CSMD1: variants seen among roughly 807,000 people sequenced by gnomAD.
The protein encoded by CSMD1 is CUB and sushi domain-containing protein 1.
Under a neutral mutation model 417.5 loss-of-function variants are expected in CSMD1, and 213 were observed. The observed-to-expected ratio is 0.51, with a 90% CI of 0.46 to 0.57. CSMD1 has a LOEUF of 0.57. Ranked by LOEUF, CSMD1 falls within the 20% of genes least tolerant of loss-of-function variation. The pLI is 0.00. For synonymous variants in CSMD1, 2,862 were observed against 1,736.8 expected, an observed-to-expected ratio of 1.65 and a Z score of -16.11; for missense variants, 6,923 against 4,529.7, an observed-to-expected ratio of 1.53 and a Z score of -15.17.
At chr8:4,899,266 C>G (rs1470505313) in intron 1 of CSMD1, among the ~76,000 whole-genome samples, 1 of 152,102 alleles carries the variant, frequency 6.6e-6, no homozygotes, top group Admixed American at 6.6e-5. Context: ...GTATTGCCAT[C>G]CATGCATTAT....
rs117248965 is a variant in CSMD1 at position 4,682,023 on chromosome 8, G to T, written c.86-44465C>A. Among the ~76,000 whole-genome samples the T allele has an allele frequency of 8.2e-4, 125 of 152,172 alleles. 2 individuals carry two copies. The East Asian group carries it at 0.023, about 28-fold the overall frequency. ...TTATGTCATTTTATTGGATAAATTT[G>T]TTGTTGTTATTTTGAGACAGGGTCT... On this transcript the variant is annotated intron_variant, in intron 1 of 69. Transcript: ENST00000635120.
intron 5 of CSMD1, among the ~76,000 whole-genome samples, chr8:3,940,514 T>A (rs1409097245): frequency 8.6e-5 from 13 of 151,140 alleles, no homozygotes; most frequent in Admixed American, 3.3e-4. Flanking sequence ...TGTGTGTGTG[T>A]GTGTGTGTGT....
chr8:3,927,172 A>G (rs907481043), intron 5 of CSMD1, among the ~76,000 whole-genome samples: 1 of 152,010 alleles, frequency 6.6e-6, no homozygotes, highest in African/African-American at 2.4e-5. Context: ...TTTTGAAGCT[A>G]TAATTTATTA....
chr8:2,950,027 T>C (rs1802516227), intron 67 of CSMD1, among the ~76,000 whole-genome samples: 1 of 152,190 alleles, frequency 6.6e-6, no homozygotes, highest in Admixed American at 6.6e-5. Context: ...GGCCAGTTCA[T>C]TGCTTACTTC....
chr8:3,600,020 C>T (rs1382533387), intron 8 of CSMD1, among the ~76,000 whole-genome samples: 2 of 152,296 alleles, frequency 1.3e-5, no homozygotes, highest in Non-Finnish European at 2.9e-5. Flanking sequence ...ATGACCACCA[C>T]AAGAGGCACC....
At chr8:4,972,545 A>G (rs1328724609) in intron 1 of CSMD1, among the ~76,000 whole-genome samples, 1 of 152,170 alleles carries the variant, frequency 6.6e-6, no homozygotes, top group Non-Finnish European at 1.5e-5. Flanking sequence ...GAAGCCTCCC[A>G]GCCATGGGGA....
chr8:3,622,618 C>A (rs114277206), intron 7 of CSMD1, among the ~76,000 whole-genome samples: 160 of 152,142 alleles, frequency 1.1e-3, no homozygotes, highest in Non-Finnish European at 1.7e-3. Flanking sequence ...TTTAGACAAG[C>A]CTGAATGGAT....
At chr8:4,149,078 C>A (rs1465951341) in intron 3 of CSMD1, among the ~76,000 whole-genome samples, 1 of 151,952 alleles carries the variant, frequency 6.6e-6, no homozygotes, top group African/African-American at 2.4e-5. Context: ...ATTCTCCTGC[C>A]TCAGCCTCCC....
rs886364682 is a variant in CSMD1 at position 2,936,787 on chromosome 8, C to T, written c.*1798G>A. 1.1e-4 allele frequency: 17 copies of T among 152,192 alleles called. No individual in the cohort carries two copies. The highest frequency in any genetic ancestry group is 4.1e-4 in the African/African-American group (17 of 41,444). 9.4% of individuals were successfully genotyped at this position (152,192 alleles called of 1,614,324 possible). The stretch of plus-strand genomic sequence containing the variant: ...AACGCGTGACTCTCCAAAGAATGCC[C>T]CATTTTCCTGACTGCTTTTCCTTTT... On this transcript the variant is annotated 3_prime_UTR_variant, in exon 70 of 70. Coordinates refer to ENST00000635120, the MANE Select transcript of CSMD1 (RefSeq NM_033225.6).
At chr8:3,377,068 G>A (rs886409357) in intron 18 of CSMD1, among the ~76,000 whole-genome samples, 1 of 152,188 alleles carries the variant, frequency 6.6e-6, no homozygotes, top group African/African-American at 2.4e-5. Flanking sequence ...TAGTGTAGTG[G>A]TGTGATCTTG....
Position 3,091,628 on chromosome 8 carries a change from T to G in CSMD1, c.7173A>C (p.Leu2391Phe), listed in dbSNP as rs766206742. 3 of 1,611,590 alleles carry G rather than the reference T, an allele frequency of 1.9e-6. No individual in the cohort carries two copies. In the South Asian group the frequency reaches 3.3e-5, roughly 18 times the overall value. ...SSGQSPLLVV[L>F]SGNHTEQSNF... ...TTGATTGTTCAGTATGATTCCCACT[T>G]AAGACTACTAGCAGAGGACTTTGCC... is the stretch of plus-strand genomic sequence containing the variant. The change falls in exon 48 of 70, where the codon TTA becomes TTC. Residue 2391 changes from leucine (L) to phenylalanine (F), a missense_variant. Coordinates refer to ENST00000635120, the MANE Select transcript of CSMD1 (RefSeq NM_033225.6).
chr8:4,479,163 A>T (rs1229481769), intron 2 of CSMD1, among the ~76,000 whole-genome samples: 1 of 152,240 alleles, frequency 6.6e-6, no homozygotes, highest in Non-Finnish European at 1.5e-5. Flanking sequence ...AAATAAATAC[A>T]TAAATAATAA....
intron 3 of CSMD1, among the ~76,000 whole-genome samples, chr8:4,325,437 A>G (rs991526215): frequency 6.6e-6 from 1 of 152,168 alleles, no homozygotes; most frequent in Non-Finnish European, 1.5e-5. Flanking sequence ...CAGGCAATAC[A>G]TGGTATTTAC....
intron 26 of CSMD1, among the ~76,000 whole-genome samples, chr8:3,241,340 G>A (rs1015904909): frequency 6.6e-6 from 1 of 151,862 alleles, no homozygotes; most frequent in African/African-American, 2.4e-5. Context: ...ACAGGTCCTT[G>A]AAAAGAAGGT....
chr8:4,201,110 G>T (rs958724399), intron 3 of CSMD1, among the ~76,000 whole-genome samples: 1 of 152,156 alleles, frequency 6.6e-6, no homozygotes, highest in South Asian at 2.1e-4. Context: ...CAGAGAATCA[G>T]TGACTTTGCA....
At position 4,185,258 on chromosome 8, in the gene CSMD1, T is replaced by A. The variant is rs1333820597; in HGVS notation, c.416-153159A>T. 2.6e-5 allele frequency among the ~76,000 whole-genome samples: 4 copies of A among 152,096 alleles called. No homozygotes were observed. In the East Asian group the frequency reaches 7.7e-4, roughly 29 times the overall value. ...TGCCTTTGAATCCTGGCCCTACCCC[T>A]TGCAATTCGTCATGATCTTGGGCAA... On this transcript the variant is annotated intron_variant, in intron 3 of 69. Coordinates refer to ENST00000635120, the MANE Select transcript of CSMD1 (RefSeq NM_033225.6).
intron 3 of CSMD1, among the ~76,000 whole-genome samples, chr8:4,214,134 G>C (rs1274671496): frequency 6.6e-6 from 1 of 151,788 alleles, no homozygotes; most frequent in Non-Finnish European, 1.5e-5. Context: ...GTTTTGTTTT[G>C]GCTTAGTTCT....
intron 11 of CSMD1, among the ~76,000 whole-genome samples, chr8:3,483,585 C>A (rs1483398841): frequency 1.3e-5 from 2 of 151,900 alleles, no homozygotes; most frequent in East Asian, 3.9e-4. Context: ...TAAACTCTTG[C>A]AGAAAATAAC....
intron 10 of CSMD1, among the ~76,000 whole-genome samples, chr8:3,502,973 G>A (rs1306439112): frequency 6.6e-6 from 1 of 152,104 alleles, no homozygotes; most frequent in Non-Finnish European, 1.5e-5. Flanking sequence ...TTACAGTGGG[G>A]AGGTTGTGCA....
Sources: gnomAD v4.1 joint callset for allele counts (sites outside exome capture counted in the v4.1 genomes callset) on GRCh38, gnomAD v4.1.1 for gene constraint, MANE v1.5 for transcripts, NCBI Gene and HGNC (gene_info 2026-07-23, HGNC 2026-07-21) for gene names.